MAP3K15: variants seen among roughly 807,000 people sequenced by gnomAD.
MAP3K15 encodes the protein mitogen-activated protein kinase kinase kinase 15.
A neutral mutation model predicts 99.5 loss-of-function variants in MAP3K15; 124 were observed. The ratio of observed to expected loss-of-function variants is 1.25; its 90% CI spans 1.08 to 1.45. MAP3K15 has a LOEUF of 1.45. MAP3K15 is among the 40% of genes most tolerant of loss of function. MAP3K15 has a pLI of 0.00. For synonymous variants in MAP3K15, 494 were observed against 439.6 expected, an observed-to-expected ratio of 1.12 and a Z score of -1.55; for missense variants, 1,242 against 1,079.7, an observed-to-expected ratio of 1.15 and a Z score of -2.11.
intron 3 of MAP3K15, among the ~76,000 whole-genome samples, chrX:19,477,572 T>G (rs2064251480): frequency 9.7e-6 from 1 of 103,275 alleles, no homozygotes; most frequent in African/African-American, 3.5e-5. Context: ...TAGCCGGGCA[T>G]GGTGGTGGGC....
chrX:19,416,030 G>C (rs937868513), intron 9 of MAP3K15, among the ~76,000 whole-genome samples: 3 of 111,755 alleles, frequency 2.7e-5, no homozygotes, highest in Non-Finnish European at 5.6e-5. Flanking sequence ...GTAAGTATCT[G>C]CTTAAAACTC....
intron 1 of MAP3K15, among the ~76,000 whole-genome samples, chrX:19,511,698 G>T (rs1408745346): frequency 8.9e-6 from 1 of 112,135 alleles, no homozygotes; most frequent in African/African-American, 3.2e-5. Flanking sequence ...GGAGAAATAG[G>T]AATGCTTTTA....
At position 19,425,696 on chromosome X, in the gene MAP3K15, G is replaced by T; in HGVS notation, c.1280-6C>A. 8.5e-7 allele frequency: 1 copy of T among 1,181,327 alleles called. No individual in the cohort carries two copies. Among genetic ancestry groups the T allele is most frequent in the Non-Finnish European group, 1.1e-6 (1 of 885,313 alleles). On this transcript the variant is annotated splice_region_variant and splice_polypyrimidine_tract_variant and intron_variant, in intron 8 of 28. Transcript: ENST00000338883. ...CAAACTGTTCAGCCGGACACCTTAA[G>T]AATTTGAATTTTTGATAGTCAGAAT...
intron 3 of MAP3K15, among the ~76,000 whole-genome samples, chrX:19,469,257 C>A (rs1319111090): frequency 3.6e-5 from 4 of 111,630 alleles, no homozygotes; most frequent in Admixed American, 9.6e-5. Context: ...ATAGCTACAA[C>A]TATCTGATCT....
chrX:19,414,085 C>T (rs1224996409), intron 10 of MAP3K15, among the ~76,000 whole-genome samples: 6 of 104,258 alleles, frequency 5.8e-5, no homozygotes, highest in Non-Finnish European at 1.2e-4. Flanking sequence ...CACTTGAACC[C>T]AGGAGGCGGA....
chrX:19,463,337 C>T (rs1162933926), intron 4 of MAP3K15, among the ~76,000 whole-genome samples: 2 of 111,587 alleles, frequency 1.8e-5, no homozygotes, highest in Non-Finnish European at 3.8e-5. Context: ...TAGAACACTC[C>T]GCAGTTCAGG....
chrX:19,380,253 T>C lies in MAP3K15; in HGVS notation c.2456A>G (p.Glu819Gly). Residue 819 changes from glutamate (E) to glycine (G), a missense_variant, in exon 19 of 29, where the codon GAG becomes GGG. Coordinates refer to ENST00000338883, the MANE Select transcript of MAP3K15 (RefSeq NM_001001671.4). The part of the protein sequence containing the change: ...FTGTLQYMAP[E>G]IIDQGPRGYG... ...TCCGCGAGGCCCTTGGTCAATTATC[T>C]CAGGTGCCATGTACTGCAGGGTGCC... is the stretch of plus-strand genomic sequence containing the variant. The C allele has an allele frequency of 8.3e-7, 1 of 1,208,857 alleles. No homozygotes were observed. The highest frequency in any genetic ancestry group is 2.2e-5 in the Admixed American group (1 of 45,632).
In MAP3K15 at chrX:19,432,720, C is replaced by T. The variant is rs898059637; in HGVS notation, c.996-1112G>A. On this transcript the variant is annotated intron_variant, in intron 6 of 28. Transcript: ENST00000338883. ...GACTATGTTTTGTAAGTGCCCTTAACCTTTTTTTTTTTTTTGAGACAGTCT... is the reference window on the plus strand; with the variant it reads ...GACTATGTTTTGTAAGTGCCCTTAATCTTTTTTTTTTTTTTGAGACAGTCT... 3.6e-4 allele frequency among the ~76,000 whole-genome samples: 39 copies of T among 107,911 alleles called. No individual in the cohort carries two copies. In the Middle Eastern group the frequency reaches 0.019, roughly 52 times the overall value. The allele number at this position is 107,911 out of a possible 115,157, so 93.7% of individuals were successfully genotyped here.
intron 11 of MAP3K15, 133 bp downstream of exon 11, chrX:19,413,224 C>T (rs2063703237): frequency 4.1e-6 from 2 of 486,605 alleles, no homozygotes; most frequent in African/African-American, 2.4e-5. Context: ...TACTGTCTCT[C>T]ATCTGTGATG....
intron 25 of MAP3K15, among the ~76,000 whole-genome samples, chrX:19,368,192 G>A (rs2063349157): frequency 9.0e-6 from 1 of 110,533 alleles, no homozygotes; most frequent in Non-Finnish European, 1.9e-5. Flanking sequence ...GCCCAGGCTA[G>A]AGTGCAATGG....
intron 3 of MAP3K15, among the ~76,000 whole-genome samples, chrX:19,466,418 T>C: frequency 9.0e-6 from 1 of 111,156 alleles, no homozygotes; most frequent in Admixed American, 9.6e-5. Context: ...GTTCTCCTGA[T>C]AGTGAGTGAG....
intron 1 of MAP3K15, among the ~76,000 whole-genome samples, chrX:19,506,955 T>C (rs1355484613): frequency 8.9e-6 from 1 of 112,461 alleles, no homozygotes; most frequent in African/African-American, 3.2e-5. Context: ...GCAGGACCCC[T>C]GGGTCAGGAA....
chrX:19,486,114 ACT>A (rs1210085563), intron 3 of MAP3K15, among the ~76,000 whole-genome samples: 1 of 111,065 alleles, frequency 9.0e-6, no homozygotes, highest in Non-Finnish European at 1.9e-5. Context: ...CATTAGGGAA[ACT>A]CTGCTTGGGA....
chrX:19,494,111 T>C (rs2064385223), intron 1 of MAP3K15, among the ~76,000 whole-genome samples: 2 of 111,078 alleles, frequency 1.8e-5, no homozygotes. Flanking sequence ...TAAACCATCT[T>C]TTCTGACCCT....
chrX:19,411,351 C>T (rs1359822771), intron 11 of MAP3K15, among the ~76,000 whole-genome samples: 1 of 111,914 alleles, frequency 8.9e-6, no homozygotes, highest in Non-Finnish European at 1.9e-5. Context: ...GCAATGACAA[C>T]AGGAACAGAC....
chrX:19,362,592 C>T, intron 26 of MAP3K15, 146 bp downstream of exon 26: 1 of 429,057 alleles, frequency 2.3e-6, no homozygotes, highest in Non-Finnish European at 4.1e-6. Context: ...GTTGTTGAAT[C>T]TATCAGTAGT....
chrX:19,481,555 A>T (rs73455665), intron 3 of MAP3K15, among the ~76,000 whole-genome samples: 6,307 of 111,874 alleles, frequency 0.056, 351 homozygotes, highest in African/African-American at 0.17. Context: ...TGCTTCCAAA[A>T]TGTATAGAGA....
chrX:19,426,093 G>T, intron 8 of MAP3K15, 138 bp downstream of exon 8: 1 of 365,599 alleles, frequency 2.7e-6, no homozygotes, highest in East Asian at 5.3e-5. Context: ...CTACACTCCA[G>T]CCTGGGCAAC....
At chrX:19,474,526 C>T (rs1417208514) in intron 3 of MAP3K15, among the ~76,000 whole-genome samples, 1 of 67,432 alleles carries the variant, frequency 1.5e-5, no homozygotes, top group Non-Finnish European at 2.7e-5. Flanking sequence ...ACCTGAGATC[C>T]AGTCATTCTT....
Sources: allele counts gnomAD v4.1 joint callset (sites outside exome capture counted in the v4.1 genomes callset), GRCh38; gene constraint gnomAD v4.1.1; transcripts MANE v1.5; gene names NCBI Gene and HGNC (gene_info 2026-07-23, HGNC 2026-07-21).